DTNA: variants seen among roughly 807,000 people sequenced by gnomAD.
DTNA encodes the protein dystrobrevin alpha, also known as dystrophin-related protein 3.
In DTNA, 43 loss-of-function variants were observed where a neutral mutation model predicts 100.7. The ratio of observed to expected loss-of-function variants is 0.43; its 90% CI spans 0.33 to 0.55. The LOEUF (loss-of-function observed/expected upper bound fraction) is 0.55, where lower values mean the gene tolerates loss of function less well. Ranked by LOEUF, DTNA falls within the 20% of genes least tolerant of loss-of-function variation. DTNA has a pLI of 0.04. For missense variants in DTNA, 798 were observed against 953.9 expected, an observed-to-expected ratio of 0.84 and a Z score of 2.15; for synonymous variants, 349 against 347.9, an observed-to-expected ratio of 1.00 and a Z score of -0.04.
chr18:34,680,249 A>G (rs1193252249), intron 1 of DTNA, among the ~76,000 whole-genome samples: 2 of 152,200 alleles, frequency 1.3e-5, no homozygotes, highest in East Asian at 3.8e-4. Context: ...AATATATTTT[A>G]CATCATCATA....
chr18:34,867,309 G>GTCAGACA (rs1178292653), intron 17 of DTNA: 14 of 1,230,844 alleles, frequency 1.1e-5, no homozygotes, highest in Non-Finnish European at 1.4e-5. Flanking sequence ...AATCTGTAAT[G>GTCAGACA]TCAGACAATA....
chr18:34,552,122 C>T (rs1390908690), intron 1 of DTNA, among the ~76,000 whole-genome samples: 1 of 151,952 alleles, frequency 6.6e-6, no homozygotes, highest in African/African-American at 2.4e-5. Context: ...TCTTACTTTC[C>T]TATGTTTAAA....
chr18:34,638,744 A>C (rs559127374), intron 1 of DTNA, among the ~76,000 whole-genome samples: 1 of 152,354 alleles, frequency 6.6e-6, no homozygotes, highest in East Asian at 1.9e-4. Context: ...ATATTCCACT[A>C]TTCAGGAAAA....
chr18:34,821,817 T>C (rs978250174), intron 9 of DTNA, among the ~76,000 whole-genome samples: 25 of 152,164 alleles, frequency 1.6e-4, no homozygotes, highest in African/African-American at 6.0e-4. Context: ...CCTACCGGTA[T>C]AGGAATTCAA....
At chr18:34,783,724 G>A (rs932637877) in intron 3 of DTNA, among the ~76,000 whole-genome samples, 3 of 152,254 alleles carry the variant, frequency 2.0e-5, no homozygotes, top group Admixed American at 6.5e-5. Context: ...GGGTGATGGC[G>A]GATAGCTTCA....
At chr18:34,623,441 C>T (rs1055806114) in intron 1 of DTNA, among the ~76,000 whole-genome samples, 12 of 152,130 alleles carry the variant, frequency 7.9e-5, no homozygotes, top group African/African-American at 2.9e-4. Flanking sequence ...CAAAAATTTT[C>T]TTTTCTTGTT....
intron 3 of DTNA, among the ~76,000 whole-genome samples, chr18:34,771,694 G>T (rs1206691357): frequency 6.6e-6 from 1 of 152,098 alleles, no homozygotes; most frequent in East Asian, 1.9e-4. Flanking sequence ...TTGATTATTT[G>T]ATATTCTAGG....
intron 17 of DTNA, chr18:34,866,055 A>C: frequency 1.3e-6 from 2 of 1,599,354 alleles, no homozygotes; most frequent in South Asian, 1.1e-5. Context: ...CACTGTGTAC[A>C]TGCTCTTATT....
intron 1 of DTNA, among the ~76,000 whole-genome samples, chr18:34,511,668 T>G (rs1048733036): frequency 1.2e-4 from 18 of 152,046 alleles, no homozygotes; most frequent in Admixed American, 9.8e-4. Flanking sequence ...GATATCATGG[T>G]CAGAACCTTG....
chr18:34,736,758 T>C (rs1360118038), intron 1 of DTNA, among the ~76,000 whole-genome samples: 5 of 152,188 alleles, frequency 3.3e-5, no homozygotes, highest in Non-Finnish European at 7.4e-5. Context: ...GGCCAAAAAC[T>C]GTGTGAATCA....
chr18:34,505,875 G>A (rs1052139001), intron 1 of DTNA, among the ~76,000 whole-genome samples: 1 of 151,920 alleles, frequency 6.6e-6, no homozygotes, highest in South Asian at 2.1e-4. Context: ...AAATCTTCCC[G>A]GTTCTTGGTA....
chr18:34,857,235 C>A (rs2096563266), intron 15 of DTNA, among the ~76,000 whole-genome samples: 1 of 152,124 alleles, frequency 6.6e-6, no homozygotes, highest in Non-Finnish European at 1.5e-5. Context: ...CTCACCACAC[C>A]CACGAAATGT....
At chr18:34,587,411 C>T (rs1341346380) in intron 1 of DTNA, among the ~76,000 whole-genome samples, 1 of 152,194 alleles carries the variant, frequency 6.6e-6, no homozygotes, top group East Asian at 1.9e-4. Flanking sequence ...CCTCTGCACT[C>T]CACATAGTGT....
intron 1 of DTNA, among the ~76,000 whole-genome samples, chr18:34,547,330 G>T (rs755934301): frequency 3.9e-5 from 6 of 152,052 alleles, no homozygotes; most frequent in Non-Finnish European, 7.4e-5. Context: ...CAGTCAACCT[G>T]TCAGCTTCGT....
chr18:34,733,506 T>C (rs2088811713), intron 1 of DTNA, among the ~76,000 whole-genome samples: 1 of 152,312 alleles, frequency 6.6e-6, no homozygotes, highest in African/African-American at 2.4e-5. Flanking sequence ...CCTTTGATGG[T>C]TGAGTGCCAA....
intron 6 of DTNA, among the ~76,000 whole-genome samples, chr18:34,814,448 G>T (rs2095552386): frequency 1.3e-5 from 2 of 151,996 alleles, no homozygotes; most frequent in Admixed American, 1.3e-4. Context: ...GCACTGAGAG[G>T]CTGAGGCAGG....
chr18:34,539,526 A>G (rs1307181205), intron 1 of DTNA, among the ~76,000 whole-genome samples: 1 of 152,002 alleles, frequency 6.6e-6, no homozygotes, highest in South Asian at 2.1e-4. Flanking sequence ...CAGGAATCAG[A>G]GGTTCCAGGC....
At chr18:34,848,268 G>A (rs377041786) in intron 13 of DTNA, 28 bp from the exon 14 acceptor site, 25 of 1,610,650 alleles carry the variant, frequency 1.6e-5, no homozygotes, top group Middle Eastern at 1.7e-4. Context: ...GTTGCCTAAC[G>A]GTCTCCTTCT....
chr18:34,647,221 T>C (rs969197957), intron 1 of DTNA, among the ~76,000 whole-genome samples: 3 of 152,098 alleles, frequency 2.0e-5, no homozygotes, highest in African/African-American at 7.2e-5. Flanking sequence ...GCCACATGTA[T>C]AATAAATTAG....
Sources: allele counts gnomAD v4.1 joint callset (sites outside exome capture counted in the v4.1 genomes callset), GRCh38; gene constraint gnomAD v4.1.1; transcripts MANE v1.5; gene names NCBI Gene and HGNC (gene_info 2026-07-23, HGNC 2026-07-21).